Variants in SHOC2 observed in about 807,000 individuals in gnomAD.
SHOC2 encodes the protein leucine-rich repeat protein SHOC-2.
SHOC2 carries 4 observed loss-of-function variants against 50.2 expected under a neutral mutation model. The observed-to-expected ratio is 0.08, with a 90% CI of 0.04 to 0.18. The LOEUF (loss-of-function observed/expected upper bound fraction) is 0.18. SHOC2 is among the 10% of genes least tolerant of loss of function. The pLI, the probability that SHOC2 is intolerant of heterozygous loss-of-function variation, is 1.00. For missense variants in SHOC2, 388 were observed against 669.6 expected, an observed-to-expected ratio of 0.58 and a Z score of 4.64; for synonymous variants, 218 against 244.5, an observed-to-expected ratio of 0.89 and a Z score of 1.01.
At chr10:110,949,766 G>A (rs1177738784) in intron 1 of SHOC2, among the ~76,000 whole-genome samples, 1 of 152,160 alleles carries the variant, frequency 6.6e-6, no homozygotes, top group African/African-American at 2.4e-5. Flanking sequence ...AGGGATGCAA[G>A]GATGGTTCAG....
chr10:110,950,348 G>A (rs954250834), intron 1 of SHOC2, among the ~76,000 whole-genome samples: 5 of 151,976 alleles, frequency 3.3e-5, no homozygotes, highest in African/African-American at 9.7e-5. Flanking sequence ...CACAGAAATC[G>A]ATAAAACATT....
At chr10:111,001,562 T>C (rs1590832411) in intron 4 of SHOC2, among the ~76,000 whole-genome samples, 1 of 152,238 alleles carries the variant, frequency 6.6e-6, no homozygotes, top group African/African-American at 2.4e-5. Context: ...TGTTTGCTTA[T>C]AGTTGTTCAA....
intron 1 of SHOC2, among the ~76,000 whole-genome samples, chr10:110,948,479 T>A (rs1344646693): frequency 2.0e-5 from 3 of 152,158 alleles, no homozygotes; most frequent in Non-Finnish European, 4.4e-5. Context: ...TAAGACACAT[T>A]AGGTCATAAA....
chr10:110,961,383 G>A (rs1323319849), intron 1 of SHOC2, among the ~76,000 whole-genome samples: 1 of 152,164 alleles, frequency 6.6e-6, no homozygotes, highest in Non-Finnish European at 1.5e-5. Context: ...AGTGTCACCT[G>A]ATTCAGGTCT....
chr10:110,964,221 A>G lies in SHOC2; in HGVS notation c.-138A>G. The G allele has an allele frequency of 1.5e-6, 2 of 1,312,978 alleles. No homozygotes were observed. The highest frequency in any genetic ancestry group is 1.0e-6 in the Non-Finnish European group (1 of 967,276). 81.3% of individuals were successfully genotyped at this position (1,312,978 alleles called of 1,614,324 possible). On this transcript the variant is annotated 5_prime_UTR_variant, in exon 2 of 9. An upstream start codon of the reference 5' UTR is lost. Coordinates refer to ENST00000369452, the MANE Select transcript of SHOC2 (RefSeq NM_007373.4). The surrounding 1 kb of genome is among the most constrained non-coding windows in gnomAD (Gnocchi z 4.9). ...TGCTTTTAGATCCAACATGTAACAGATGGATGTTACTCCATGCTGATTACT... is the reference window on the plus strand; with the variant it reads ...TGCTTTTAGATCCAACATGTAACAGGTGGATGTTACTCCATGCTGATTACT...
intron 1 of SHOC2, chr10:110,937,243 C>T (rs774292401): frequency 2.1e-5 from 22 of 1,070,974 alleles, no homozygotes; most frequent in Non-Finnish European, 2.9e-6. Flanking sequence ...TCTTCGGCTG[C>T]CCCTTGGGAA....
At chr10:110,920,437 C>T (rs1416248882) in intron 1 of SHOC2, among the ~76,000 whole-genome samples, 1 of 152,188 alleles carries the variant, frequency 6.6e-6, no homozygotes, top group Non-Finnish European at 1.5e-5. Flanking sequence ...CCTCAATATC[C>T]ATTGTTTTTG....
At chr10:110,926,575 G>C (rs1440347967) in intron 1 of SHOC2, among the ~76,000 whole-genome samples, 6 of 152,178 alleles carry the variant, frequency 3.9e-5, no homozygotes, top group Admixed American at 3.9e-4. Flanking sequence ...CGAAAAGCCA[G>C]ATGCAAGACA....
chr10:110,974,475 A>G (rs1437221092), intron 2 of SHOC2, among the ~76,000 whole-genome samples: 1 of 152,164 alleles, frequency 6.6e-6, no homozygotes, highest in Non-Finnish European at 1.5e-5. Flanking sequence ...CAGTGCTTGC[A>G]TTGTATACCT....
At chr10:110,990,531 T>TG (rs60066424) in intron 3 of SHOC2, among the ~76,000 whole-genome samples, 94,115 of 150,520 alleles carry the variant, frequency 0.63, 32,429 homozygotes, top group Non-Finnish European at 0.79. Flanking sequence ...GATGGGGACG[T>TG]GGAGAACCTT....
rs117961802 is a variant in SHOC2 at position 110,986,800 on chromosome 10, G to C, written c.841+1035G>C. Among the ~76,000 whole-genome samples the C allele has an allele frequency of 7.2e-4, 110 of 152,250 alleles. No homozygotes were observed. In the East Asian group the frequency reaches 0.02, roughly 28 times the overall value. On this transcript the variant is annotated intron_variant, in intron 3 of 8. Transcript: ENST00000369452. Reference sequence around the variant, plus strand: ...CCAGTCATGAATATTTTAGAGGCATGATTACTAAATCATTTGAGGCCTGTG... The same window carrying C: ...CCAGTCATGAATATTTTAGAGGCATCATTACTAAATCATTTGAGGCCTGTG...
intron 2 of SHOC2, among the ~76,000 whole-genome samples, chr10:110,972,038 T>C (rs1847792434): frequency 6.6e-6 from 1 of 151,662 alleles, no homozygotes; most frequent in South Asian, 2.1e-4. Flanking sequence ...TTTTTAGACA[T>C]TAAGTGGTAG....
intron 1 of SHOC2, among the ~76,000 whole-genome samples, chr10:110,946,261 C>T (rs2134097335): frequency 6.6e-6 from 1 of 151,512 alleles, no homozygotes; most frequent in South Asian, 2.1e-4. Flanking sequence ...TATTTTGAAG[C>T]TGATCATTTA....
intron 4 of SHOC2, 21 bp from the exon 5 acceptor site, chr10:111,004,585 T>C: frequency 6.4e-7 from 1 of 1,559,900 alleles, no homozygotes; most frequent in Non-Finnish European, 8.8e-7. Flanking sequence ...AATTCTTATG[T>C]TTATTTCATT....
chr10:110,971,565 T>C (rs1847783249), intron 2 of SHOC2, among the ~76,000 whole-genome samples: 1 of 151,712 alleles, frequency 6.6e-6, no homozygotes, highest in Non-Finnish European at 1.5e-5. Context: ...AACTTTAGGA[T>C]TTTTTTTTCT....
At chr10:111,006,603 C>T (rs1028817207) in intron 5 of SHOC2, among the ~76,000 whole-genome samples, 1 of 152,172 alleles carries the variant, frequency 6.6e-6, no homozygotes. Context: ...ATCTCCTGAC[C>T]TCGTGATCCG....
chr10:110,996,682 C>T (rs1452696892), intron 3 of SHOC2, among the ~76,000 whole-genome samples: 1 of 152,096 alleles, frequency 6.6e-6, no homozygotes, highest in Non-Finnish European at 1.5e-5. Flanking sequence ...TACTTATTCC[C>T]TTCTATAAAA....
intron 1 of SHOC2, among the ~76,000 whole-genome samples, chr10:110,962,615 C>T (rs1374906017): frequency 2.0e-5 from 3 of 152,168 alleles, no homozygotes; most frequent in Non-Finnish European, 4.4e-5. Context: ...TCATCCTCTA[C>T]CCCAGTTCCT....
chr10:110,936,933 G>A (rs771410071), intron 1 of SHOC2: 6 of 1,408,786 alleles, frequency 4.3e-6, no homozygotes, highest in East Asian at 2.3e-5. Context: ...ACCTTGAGGC[G>A]GTCCAGAGCG....
Sources: gnomAD v4.1 joint callset for allele counts (sites outside exome capture counted in the v4.1 genomes callset) on GRCh38, gnomAD v4.1.1 for gene constraint, Gnocchi (gnomAD v3.1) non-coding constraint, MANE v1.5 for transcripts, NCBI Gene and HGNC (gene_info 2026-07-23, HGNC 2026-07-21) for gene names.